Variants in BBS2 observed in about 807,000 individuals in gnomAD.
BBS2 encodes the protein BBSome complex member BBS2.
BBS2 carries 62 observed loss-of-function variants against 83.0 expected under a neutral mutation model. That is an observed-to-expected ratio of 0.75 (90% CI 0.61 to 0.92). The LOEUF (loss-of-function observed/expected upper bound fraction) is 0.92. Among genes scored for constraint, BBS2 ranks in the 40% least tolerant of loss-of-function variants. BBS2 has a pLI of 0.00. For synonymous variants in BBS2, 303 were observed against 326.1 expected, an observed-to-expected ratio of 0.93 and a Z score of 0.76; for missense variants, 784 against 901.0, an observed-to-expected ratio of 0.87 and a Z score of 1.66.
At chr16:56,482,182 C>A (rs1262333572), downstream of BBS2, among the ~76,000 whole-genome samples, 14 of 151,996 alleles carry the variant, frequency 9.2e-5, no homozygotes, top group African/African-American at 3.1e-4. Flanking sequence ...AAACTAGCAC[C>A]AACTAGAGAT....
chr16:56,477,355 G>C (rs1218186866), intron 17 of BBS2: 1 of 152,082 alleles, frequency 6.6e-6, no homozygotes, highest in South Asian at 2.1e-4. Flanking sequence ...AAAGGGTCTG[G>C]CCTACCATCA....
Position 56,502,657 on chromosome 16 carries a change from T to C in BBS2, c.940+16A>G, listed in dbSNP as rs776122066. Reference sequence around the variant, plus strand: ...GAAAACGTGACTTTTTAAGGATTTTTCTCATCCCAATTTACTTTCCCCATC... The same window carrying C: ...GAAAACGTGACTTTTTAAGGATTTTCCTCATCCCAATTTACTTTCCCCATC... On this transcript the variant is annotated intron_variant, in intron 8 of 16. Transcript: ENST00000245157. The C allele has an allele frequency of 1.2e-6, 2 of 1,614,174 alleles. No individual in the cohort carries two copies. Among genetic ancestry groups the C allele is most frequent in the Non-Finnish European group, 1.7e-6 (2 of 1,180,040 alleles).
chr16:56,488,260 C>G (rs1334215556), intron 15 of BBS2, among the ~76,000 whole-genome samples: 1 of 152,138 alleles, frequency 6.6e-6, no homozygotes, highest in Admixed American at 6.5e-5. Context: ...CAATTCCGTT[C>G]CGACACGATT....
downstream of BBS2, among the ~76,000 whole-genome samples, chr16:56,483,702 A>C (rs1173567353): frequency 3.5e-5 from 5 of 142,924 alleles, no homozygotes; most frequent in Non-Finnish European, 6.2e-5. Context: ...AAATATCCAC[A>C]TTTTTTTTTT....
intron 17 of BBS2, among the ~76,000 whole-genome samples, chr16:56,475,821 A>T (rs1279973637): frequency 2.6e-5 from 4 of 152,270 alleles, no homozygotes; most frequent in Non-Finnish European, 5.9e-5. Context: ...CTTACAATGT[A>T]GTAAGAAATA....
chr16:56,501,982 A>G (rs932990235), intron 9 of BBS2: 3 of 401,924 alleles, frequency 7.5e-6, no homozygotes, highest in Admixed American at 3.7e-5. Context: ...ATCCTTCCAT[A>G]TCAGTCCAAG....
intron 2 of BBS2, among the ~76,000 whole-genome samples, chr16:56,512,371 C>G (rs988023406): frequency 3.9e-5 from 6 of 152,014 alleles, no homozygotes; most frequent in Non-Finnish European, 8.8e-5. Flanking sequence ...CATATATCTA[C>G]AAAAAGTCTT....
chr16:56,471,671 G>C (rs1475589458), intron 17 of BBS2, among the ~76,000 whole-genome samples: 34 of 152,192 alleles, frequency 2.2e-4, no homozygotes, highest in Non-Finnish European at 1.5e-5. Context: ...GATACTTGTG[G>C]AAACAAAATC....
chr16:56,475,415 A>G, intron 17 of BBS2: 1 of 1,122,182 alleles, frequency 8.9e-7, no homozygotes, highest in Non-Finnish European at 1.4e-6. Context: ...CAGATCCCCC[A>G]CTGTTAAGCA....
At chr16:56,518,685 C>T (rs887451345) in intron 1 of BBS2, among the ~76,000 whole-genome samples, 1 of 100,568 alleles carries the variant, frequency 9.9e-6, no homozygotes, top group Non-Finnish European at 2.5e-5. Context: ...AAGTTATTAG[C>T]GTTGTCACTA....
intron 17 of BBS2, among the ~76,000 whole-genome samples, chr16:56,474,603 A>G (rs1963368449): frequency 6.6e-6 from 1 of 152,096 alleles, no homozygotes; most frequent in African/African-American, 2.4e-5. Flanking sequence ...TACAGGCATG[A>G]GCCACCATGC....
chr16:56,489,692 C>T (rs1180937939), intron 15 of BBS2, among the ~76,000 whole-genome samples: 2 of 151,876 alleles, frequency 1.3e-5, no homozygotes, highest in Non-Finnish European at 1.5e-5. Context: ...CCCAGCTACT[C>T]GGGAGGCTGA....
At chr16:56,510,765 G>C in intron 4 of BBS2, 94 bp downstream of exon 4, 1 of 1,356,632 alleles carries the variant, frequency 7.4e-7, no homozygotes, top group Non-Finnish European at 1.1e-6. Context: ...AAATCAGCCA[G>C]GAGAAGCTTA....
chr16:56,519,945 C>T lies in BBS2; in HGVS notation c.-83G>A. ...GCCTCACGCGCCCGGGCAAGAAGTG[C>T]AGGGACACTACCTGCGCGGCCCCAG... is the stretch of plus-strand genomic sequence containing the variant. On this transcript the variant is annotated 5_prime_UTR_variant, in exon 1 of 17. Coordinates refer to ENST00000245157, the MANE Select transcript of BBS2 (RefSeq NM_031885.5). 8.2e-7 allele frequency: 1 copy of T among 1,219,472 alleles called. No individual in the cohort carries two copies. Among genetic ancestry groups the T allele is most frequent in the African/African-American group, 1.5e-5 (1 of 67,082 alleles). The allele number at this position is 1,219,472 out of a possible 1,614,324, so 75.5% of individuals were successfully genotyped here.
At chr16:56,514,972 A>C (rs1346763624) in intron 1 of BBS2, among the ~76,000 whole-genome samples, 2 of 152,138 alleles carry the variant, frequency 1.3e-5, no homozygotes, top group Non-Finnish European at 2.9e-5. Flanking sequence ...ATGTCAAAGC[A>C]CTCTTAGGAG....
rs749555888 is a variant in BBS2 at position 56,502,659 on chromosome 16, T to C, written c.940+14A>G. Reference sequence around the variant, plus strand: ...AAACGTGACTTTTTAAGGATTTTTCTCATCCCAATTTACTTTCCCCATCCA... The same window carrying C: ...AAACGTGACTTTTTAAGGATTTTTCCCATCCCAATTTACTTTCCCCATCCA... On this transcript the variant is annotated intron_variant, in intron 8 of 16. Transcript: ENST00000245157. The C allele has an allele frequency of 6.2e-7, 1 of 1,614,208 alleles. No homozygotes were observed. The highest frequency in any genetic ancestry group is 2.2e-5 in the East Asian group (1 of 44,880).
rs996608307 is a variant in BBS2, at chr16:56,504,627, G to A, written c.804+1323C>T. ...AATTTTCTTATCTTTTTCATGCTCA[G>A]GAACGCATTACATAATAGAAATCCC... On this transcript the variant is annotated intron_variant, in intron 7 of 16. Transcript: ENST00000245157. Among the ~76,000 whole-genome samples the A allele has an allele frequency of 3.9e-5, 6 of 152,046 alleles. No individual in the cohort carries two copies. In the South Asian group the frequency reaches 8.3e-4, roughly 21 times the overall value.
rs1213255679 is a variant in BBS2, at chr16:56,520,011, T to A, written c.-149A>T. Reference sequence around the variant, plus strand: ...CGCGAAACAGCCCGGGACGAACCCGTCCAGGTACCGCCTGCTCCTCCTGCG... The same window carrying A: ...CGCGAAACAGCCCGGGACGAACCCGACCAGGTACCGCCTGCTCCTCCTGCG... On this transcript the variant is annotated 5_prime_UTR_variant, in exon 1 of 17. Coordinates refer to ENST00000245157, the MANE Select transcript of BBS2 (RefSeq NM_031885.5). 2 of 703,372 alleles carry A rather than the reference T, an allele frequency of 2.8e-6. No individual in the cohort carries two copies. Among genetic ancestry groups the A allele is most frequent in the Non-Finnish European group, 5.1e-6 (2 of 391,546 alleles). The allele number at this position is 703,372 out of a possible 1,614,324, so 43.6% of individuals were successfully genotyped here. A position where few individuals can be genotyped will look rare whatever the true frequency, so the allele number is the denominator to read the frequency against.
Position 56,498,552 on chromosome 16 carries a change from C to G in BBS2, c.1544G>C (p.Gly515Ala). 6.2e-7 allele frequency: 1 copy of G among 1,614,020 alleles called. No homozygotes were observed. Among genetic ancestry groups the G allele is most frequent in the Non-Finnish European group, 8.5e-7 (1 of 1,180,006 alleles). ...GTCTTCTGGTAACAGAAAGTTCTGA[C>G]CGAGCCATACAACAACCTTGAAAAT... ...ERAQRVVVWL[G>A]QNFLLPEDTH... is the part of the protein sequence containing the mutation. The change falls in exon 13 of 17, where the codon GGT becomes GCT. Residue 515 changes from glycine to alanine, a missense_variant. Physicochemically the swap from Gly to Ala is moderately conservative, Grantham distance 60. Transcript: ENST00000245157.
Sources: allele counts gnomAD v4.1 joint callset (sites outside exome capture counted in the v4.1 genomes callset), GRCh38; gene constraint gnomAD v4.1.1; transcripts MANE v1.5; gene names NCBI Gene and HGNC (gene_info 2026-07-23, HGNC 2026-07-21).